Variants in GLG1 observed in about 807,000 individuals in gnomAD.
GLG1 encodes the protein Golgi apparatus protein 1.
A neutral mutation model predicts 160.5 loss-of-function variants in GLG1; 38 were observed. The ratio of observed to expected loss-of-function variants is 0.24; its 90% CI spans 0.18 to 0.31. The LOEUF (loss-of-function observed/expected upper bound fraction) is 0.31, where lower values mean the gene tolerates loss of function less well. Among genes scored for constraint, GLG1 ranks in the 10% least tolerant of loss-of-function variants. GLG1 has a pLI of 1.00. For synonymous variants in GLG1, 644 were observed against 543.4 expected (o/e 1.19, Z -2.57); for missense variants, 1,373 against 1,505.2 (o/e 0.91, Z 1.45).
intron 8 of GLG1, among the ~76,000 whole-genome samples, chr16:74,489,402 T>G (rs1597257603): frequency 6.7e-6 from 1 of 149,222 alleles, no homozygotes; most frequent in Non-Finnish European, 1.5e-5. Context: ...ACCCGGGAGG[T>G]GGATGCTGCT....
At position 74,606,695 on chromosome 16, in the gene GLG1, T is replaced by C. The variant is rs1271506254; in HGVS notation, c.400A>G (p.Asn134Asp). Residue 134 changes from asparagine (N) to aspartate (D), a missense_variant, in exon 1 of 26, where the codon AAC becomes GAC. Around this residue, in one of 4 missense-constraint regions of GLG1, gnomAD observed 322 missense variants for 254.6 expected, o/e 1.26. Coordinates refer to ENST00000422840, the MANE Select transcript of GLG1 (RefSeq NM_001145667.2). ...RVCPKHTWSN[N>D]LAVLECLQDV... ...TGCAGGCACTCGAGCACCGCCAGGT[T>C]GTTGCTCCAGGTGTGCTTAGGGCAC... 2 of 1,602,394 alleles carry C rather than the reference T, an allele frequency of 1.2e-6. No homozygotes were observed. Among genetic ancestry groups the C allele is most frequent in the Admixed American group, 3.4e-5 (2 of 58,786 alleles).
At chr16:74,560,459 G>GC (rs900235507) in intron 1 of GLG1, among the ~76,000 whole-genome samples, 2 of 126,346 alleles carry the variant, frequency 1.6e-5, no homozygotes, top group African/African-American at 6.1e-5. Flanking sequence ...TCCCCCCGCC[G>GC]CCCCCCTGCC....
At chr16:74,478,370 C>T (rs1008252107) in intron 11 of GLG1, among the ~76,000 whole-genome samples, 1 of 151,924 alleles carries the variant, frequency 6.6e-6, no homozygotes, top group East Asian at 1.9e-4. Flanking sequence ...GAAGAATTAG[C>T]AGAGGGTAAA....
intron 5 of GLG1, among the ~76,000 whole-genome samples, chr16:74,495,094 T>C (rs74984012): frequency 8.0e-5 from 12 of 149,270 alleles, no homozygotes; most frequent in African/African-American, 2.5e-4. Context: ...AGAGAAGTGT[T>C]AGAGTCTGAG....
At chr16:74,571,115 G>A (rs533016184) in intron 1 of GLG1, among the ~76,000 whole-genome samples, 1 of 152,080 alleles carries the variant, frequency 6.6e-6, no homozygotes. Context: ...ATTGATTTTT[G>A]GACCCAGCCA....
At chr16:74,596,092 T>C (rs1449359875) in intron 1 of GLG1, among the ~76,000 whole-genome samples, 1 of 151,974 alleles carries the variant, frequency 6.6e-6, no homozygotes, top group Non-Finnish European at 1.5e-5. Context: ...GAGTTTTCCT[T>C]TGATAGGCAG....
At chr16:74,579,894 C>G (rs1417628569) in intron 1 of GLG1, among the ~76,000 whole-genome samples, 1 of 151,830 alleles carries the variant, frequency 6.6e-6, no homozygotes, top group East Asian at 1.9e-4. Flanking sequence ...GAAACCCCGT[C>G]TCTACTAAAA....
intron 10 of GLG1, among the ~76,000 whole-genome samples, chr16:74,480,710 C>A (rs1285775560): frequency 6.6e-6 from 1 of 152,030 alleles, no homozygotes; most frequent in African/African-American, 2.4e-5. Flanking sequence ...CAGGCACACA[C>A]CAGGCTCTTT....
At chr16:74,470,108 G>A (rs1347957852) in intron 15 of GLG1, 35 bp from the exon 16 acceptor site, 15 of 1,253,658 alleles carry the variant, frequency 1.2e-5, no homozygotes, top group East Asian at 4.6e-5. Context: ...CAGAAGTTTT[G>A]TGGCAACTTG....
Position 74,457,986 on chromosome 16 carries a change from T to G in GLG1, c.3153A>C (p.Leu1051=). The G allele has an allele frequency of 6.2e-7, 1 of 1,613,856 alleles. No homozygotes were observed. ...IKTELCKKEV[L]NMLKESKADI... ...CTGCTTTGCTTTCCTTCAGCATGTT[T>G]AGCACTTCCTGGAAAGGGAGGGTCA... is the stretch of plus-strand genomic sequence containing the variant. Residue 1051 remains leucine, a synonymous_variant, in exon 24 of 26, where the codon CTA becomes CTC. Coordinates refer to ENST00000422840, the MANE Select transcript of GLG1 (RefSeq NM_001145667.2).
At chr16:74,527,365 T>C (rs1017325665) in intron 2 of GLG1, among the ~76,000 whole-genome samples, 1 of 149,876 alleles carries the variant, frequency 6.7e-6, no homozygotes, top group African/African-American at 2.5e-5. Context: ...TTCTCACGCC[T>C]TGGCCTCCTG....
chr16:74,454,520 G>C (rs1263859675), intron 25 of GLG1, among the ~76,000 whole-genome samples: 1 of 151,310 alleles, frequency 6.6e-6, no homozygotes, highest in African/African-American at 2.4e-5. Context: ...ACAAAAGTTA[G>C]CTGGGCGTGG....
intron 1 of GLG1, among the ~76,000 whole-genome samples, chr16:74,572,330 G>C (rs2018852502): frequency 6.6e-6 from 1 of 152,074 alleles, no homozygotes; most frequent in Admixed American, 6.6e-5. Context: ...GGCCAACACA[G>C]TGAAACCCCG....
At chr16:74,517,529 C>T (rs755893128) in intron 2 of GLG1, among the ~76,000 whole-genome samples, 4 of 152,084 alleles carry the variant, frequency 2.6e-5, no homozygotes, top group Admixed American at 2.0e-4. Context: ...TCAATAAACT[C>T]GGTATCGATG....
chr16:74,501,124 T>A (rs932474825), intron 4 of GLG1, among the ~76,000 whole-genome samples: 22 of 152,254 alleles, frequency 1.4e-4, no homozygotes, highest in Non-Finnish European at 2.8e-4. Context: ...ATTTTCAGTA[T>A]AAGTTTTCTA....
At chr16:74,515,001 C>G (rs1227383536) in intron 2 of GLG1, among the ~76,000 whole-genome samples, 1 of 152,004 alleles carries the variant, frequency 6.6e-6, no homozygotes, top group East Asian at 1.9e-4. Context: ...CAATCCTGGT[C>G]TCTGATAAAA....
chr16:74,544,416 CGAATCTCCTGCTTCGTGTGA>C (rs2017985434), intron 1 of GLG1, among the ~76,000 whole-genome samples: 2 of 152,190 alleles, frequency 1.3e-5, no homozygotes, highest in South Asian at 2.1e-4. Flanking sequence ...TAGGTTCACG[CGAATCTCCTGCTTCGTGTGA>C]GAATCTCCTG....
chr16:74,531,231 C>T (rs1373458974), intron 2 of GLG1, among the ~76,000 whole-genome samples: 4 of 152,192 alleles, frequency 2.6e-5, no homozygotes, highest in East Asian at 1.9e-4. Context: ...ATACAGCCTC[C>T]GGTCCCATCT....
rs538300970 is a variant in GLG1, at chr16:74,503,526, G to C, written c.774+5C>G. ...CTTTGTTGAAGCTAACGTAGTATTA[G>C]ATACCTTTTCTCCAAGCCGAATACT... On this transcript the variant is annotated splice_donor_5th_base_variant and intron_variant, in intron 4 of 25. Transcript: ENST00000422840. The C allele has an allele frequency of 4.7e-5, 74 of 1,584,920 alleles. No homozygotes were observed. In the East Asian group the frequency reaches 1.6e-3, roughly 34 times the overall value.
Sources: allele counts gnomAD v4.1 joint callset (sites outside exome capture counted in the v4.1 genomes callset), GRCh38; gene constraint gnomAD v4.1.1; regional missense constraint gnomAD v4.1.1; transcripts MANE v1.5; gene names NCBI Gene and HGNC (gene_info 2026-07-23, HGNC 2026-07-21).